LRRC9: variants seen among roughly 807,000 people sequenced by gnomAD.
LRRC9 encodes the protein leucine-rich repeat-containing protein 9.
A neutral mutation model predicts 63.2 loss-of-function variants in LRRC9; 122 were observed. The ratio of observed to expected loss-of-function variants is 1.93; its 90% CI spans 1.67 to 2.24. The LOEUF is 2.24. Among genes scored for constraint, LRRC9 ranks in the 30% most tolerant of loss-of-function variants. The pLI, the probability that LRRC9 is intolerant of heterozygous loss-of-function variation, is 0.00. For missense variants in LRRC9, 1,071 were observed against 627.7 expected (o/e 1.71, Z -7.55); for synonymous variants, 366 against 213.1 (o/e 1.72, Z -6.25).
rs574065508 is a variant in LRRC9, at chr14:59,986,787, A to G, written c.2211+1563A>G. Among the ~76,000 whole-genome samples, 1 of 152,306 alleles carries G rather than the reference A, an allele frequency of 6.6e-6. No homozygotes were observed. Among genetic ancestry groups the G allele is most frequent in the South Asian group, 2.1e-4 (1 of 4,820 alleles). ...ATACAAAAATTATTTTCATTATCAT[A>G]GCCTCACAGTCTACTTGTTAAATGA... On this transcript the variant is annotated intron_variant, in intron 17 of 31. Coordinates refer to ENST00000445360, the Ensembl canonical transcript of LRRC9. The surrounding 1 kb of genome is among the most constrained non-coding windows in gnomAD (Gnocchi z 4.7).
In LRRC9 at chr14:60,060,335, T is replaced by C. The variant is rs191668947; in HGVS notation, c.4276+2313T>C. Among the ~76,000 whole-genome samples, 263 of 152,356 alleles carry C rather than the reference T, an allele frequency of 1.7e-3. No individual in the cohort carries two copies. Among genetic ancestry groups the C allele is most frequent in the African/African-American group, 6.0e-3 (251 of 41,596 alleles). On this transcript the variant is annotated intron_variant, in intron 31 of 31. Transcript: ENST00000445360. This position sits in a 1 kb window ranked among gnomAD's most constrained non-coding sequence, Gnocchi z 4.0. ...TGATGGAGAAGTACAAGGAGATGAA[T>C]GTTGTTTTCATGCCTGCTAACACAA...
At chr14:59,920,827 C>G (rs1366850554) in intron 1 of LRRC9, among the ~76,000 whole-genome samples, 1 of 152,184 alleles carries the variant, frequency 6.6e-6, no homozygotes, top group Non-Finnish European at 1.5e-5. Flanking sequence ...TTAAATTATA[C>G]CATATGCCTG....
chr14:59,963,689 AAC>A (rs1253426813), intron 10 of LRRC9, among the ~76,000 whole-genome samples: 1 of 152,142 alleles, frequency 6.6e-6, no homozygotes, highest in African/African-American at 2.4e-5. Flanking sequence ...ATAGATACAC[AAC>A]AGTTTTGCTT....
At position 60,062,284 on chromosome 14, in the gene LRRC9, T is replaced by C. The variant is rs905792030; in HGVS notation, c.4277-1039T>C. ...CAGGAAATATTGTTATGTACTATTATATATTTACTCTGGGAACTAGAAAAA... is the reference window on the plus strand; with the variant it reads ...CAGGAAATATTGTTATGTACTATTACATATTTACTCTGGGAACTAGAAAAA... On this transcript the variant is annotated intron_variant, in intron 31 of 31. Transcript: ENST00000445360. 69 of 394,682 alleles carry C rather than the reference T, an allele frequency of 1.7e-4. 1 individual carries two copies. The highest frequency in any genetic ancestry group is 1.2e-3 in the African/African-American group (59 of 48,664). The allele number at this position is 394,682 out of a possible 1,614,324, so 24.4% of individuals were successfully genotyped here.
chr14:59,966,123 TAACC>T lies in LRRC9; in HGVS notation c.1212-464_1212-461del, dbSNP rs2139997846. On this transcript the variant is annotated intron_variant, in intron 10 of 31. Coordinates refer to ENST00000445360, the Ensembl canonical transcript of LRRC9. The surrounding 1 kb of genome is among the most constrained non-coding windows in gnomAD (Gnocchi z 4.0). The stretch of plus-strand genomic sequence containing the variant: ...GTAGTTGGATATTCAAGTCTGGGTA[TAACC>T]AGCTAAGTTGAGTAGAGATCAAGAC... Among the ~76,000 whole-genome samples, 1 of 152,132 alleles carries T rather than the reference TAACC, an allele frequency of 6.6e-6. No individual in the cohort carries two copies. The highest frequency in any genetic ancestry group is 2.1e-4 in the South Asian group (1 of 4,816).
At chr14:59,985,306 A>T in intron 17 of LRRC9, 82 bp downstream of exon 17, 1 of 516,492 alleles carries the variant, frequency 1.9e-6, no homozygotes. Flanking sequence ...CCTAAGGGCT[A>T]GGGGAAATGG....
At chr14:60,022,783 GTTC>G (rs1175052161) in exon 27 of LRRC9, 1 of 689,964 alleles carries the variant, frequency 1.4e-6, no homozygotes, top group Non-Finnish European at 2.6e-6. Context: ...CAGTTTAGAA[GTTC>G]TTCATTTGGG....
At chr14:60,040,308 A>G (rs928603468) in intron 29 of LRRC9, among the ~76,000 whole-genome samples, 1 of 151,870 alleles carries the variant, frequency 6.6e-6, no homozygotes, top group South Asian at 2.1e-4. Flanking sequence ...CAATTCCTGG[A>G]TATCCTTGTT....
intron 29 of LRRC9, among the ~76,000 whole-genome samples, chr14:60,037,891 T>C (rs1892589496): frequency 6.6e-6 from 1 of 152,232 alleles, no homozygotes; most frequent in African/African-American, 2.4e-5. Flanking sequence ...AGGGTTTTTA[T>C]GGTTTTAGGT....
chr14:60,035,914 A>C (rs866328362), intron 29 of LRRC9, among the ~76,000 whole-genome samples: 1 of 151,892 alleles, frequency 6.6e-6, no homozygotes, highest in African/African-American at 2.4e-5. Flanking sequence ...TGCTCTGGGT[A>C]GTATTGTCAT....
Position 60,022,930 on chromosome 14 carries a change from T to C in LRRC9, c.3703+60T>C, listed in dbSNP as rs1277602982. On this transcript the variant is annotated intron_variant, in intron 27 of 31. Transcript: ENST00000445360. ...TTTTTAAAAACTGATTTTATCATCA[T>C]TCTGTTTTGATAAGCAAATATAAGC... 5 of 445,488 alleles carry C rather than the reference T, an allele frequency of 1.1e-5. No homozygotes were observed. In the Admixed American group the frequency reaches 1.2e-4, roughly 10 times the overall value. 27.6% of individuals were successfully genotyped at this position (445,488 alleles called of 1,614,324 possible). A position where few individuals can be genotyped will look rare whatever the true frequency, so the allele number is the denominator to read the frequency against.
At chr14:60,032,688 G>A (rs899384332) in intron 29 of LRRC9, among the ~76,000 whole-genome samples, 1 of 152,188 alleles carries the variant, frequency 6.6e-6, no homozygotes, top group Non-Finnish European at 1.5e-5. Context: ...TTAGTGAGAA[G>A]TCAAAGGAGC....
At chr14:60,063,798 CATTT>C (rs955914972), downstream of LRRC9, among the ~76,000 whole-genome samples, 1 of 152,174 alleles carries the variant, frequency 6.6e-6, no homozygotes, top group Non-Finnish European at 1.5e-5. Flanking sequence ...AGTATCTATT[CATTT>C]GAGATTACAC....
In LRRC9 at chr14:59,949,663, C is replaced by T. The variant is rs558046987; in HGVS notation, c.882+4919C>T. Among the ~76,000 whole-genome samples, 104 of 151,004 alleles carry T rather than the reference C, an allele frequency of 6.9e-4. 1 individual carries two copies. The highest frequency in any genetic ancestry group is 2.5e-3 in the African/African-American group (102 of 41,106). On this transcript the variant is annotated intron_variant, in intron 8 of 31. Transcript: ENST00000445360. ...GCTATAAATTTCCCTCTACACACTG[C>T]TTTGAATGCGTCCCAGAGATTCTGG... is the stretch of plus-strand genomic sequence containing the variant.
intron 6 of LRRC9, among the ~76,000 whole-genome samples, chr14:59,935,277 G>C (rs917512826): frequency 4.8e-5 from 7 of 146,232 alleles, no homozygotes; most frequent in Admixed American, 4.1e-4. Flanking sequence ...CTGGGTAACA[G>C]AGTGAGACTA....
rs1889666766 is a variant in LRRC9, at chr14:60,004,673, G to A, written c.2842+875G>A. On this transcript the variant is annotated intron_variant, in intron 21 of 31. Coordinates refer to ENST00000445360, the Ensembl canonical transcript of LRRC9. The surrounding 1 kb of genome is among the most constrained non-coding windows in gnomAD (Gnocchi z 4.8). ...CATGTCCTAGAATATATACTACTAA[G>A]TCAAGTATTTTCTGACTCCTCCCCA... Among the ~76,000 whole-genome samples the A allele has an allele frequency of 6.6e-6, 1 of 151,936 alleles. No individual in the cohort carries two copies. Among genetic ancestry groups the A allele is most frequent in the Non-Finnish European group, 1.5e-5 (1 of 67,942 alleles).
In LRRC9 at chr14:60,017,636, G is replaced by A. The variant is rs913076468; in HGVS notation, c.3318-735G>A. Among the ~76,000 whole-genome samples the A allele has an allele frequency of 1.3e-5, 2 of 152,018 alleles. No individual in the cohort carries two copies. Among genetic ancestry groups the A allele is most frequent in the Non-Finnish European group, 2.9e-5 (2 of 67,972 alleles). ...TGTAGCCTTTCCAAACACATCCGCT[G>A]CACTTAGGAAATACTAATGGAAATA... On this transcript the variant is annotated intron_variant, in intron 24 of 31. Coordinates refer to ENST00000445360, the Ensembl canonical transcript of LRRC9. The surrounding 1 kb of genome is among the most constrained non-coding windows in gnomAD (Gnocchi z 4.0).
At chr14:60,050,984 T>A (rs1475343670) in intron 29 of LRRC9, among the ~76,000 whole-genome samples, 1 of 152,180 alleles carries the variant, frequency 6.6e-6, no homozygotes, top group Non-Finnish European at 1.5e-5. Flanking sequence ...TACTGACCTG[T>A]TGCTGGCCCA....
chr14:59,943,520 C>G (rs972928823), intron 7 of LRRC9, among the ~76,000 whole-genome samples: 2 of 151,334 alleles, frequency 1.3e-5, no homozygotes, highest in Non-Finnish European at 3.0e-5. Context: ...ACGGTTTTTT[C>G]TTTTAACTCA....
Sources: gnomAD v4.1 joint callset for allele counts (sites outside exome capture counted in the v4.1 genomes callset) on GRCh38, gnomAD v4.1.1 for gene constraint, Gnocchi (gnomAD v3.1) non-coding constraint, MANE v1.5 for transcripts, NCBI Gene and HGNC (gene_info 2026-07-23, HGNC 2026-07-21) for gene names.